The following ZMAT4 variants were observed in gnomAD, a reference collection of about 807,000 sequenced individuals.
ZMAT4 encodes the protein zinc finger matrin-type 4, also known as zinc finger matrin-type protein 4.
In ZMAT4, 17 loss-of-function variants were observed where a neutral mutation model predicts 28.7. That is an observed-to-expected ratio of 0.59 (90% CI 0.41 to 0.89). ZMAT4 has a LOEUF of 0.89. Among genes scored for constraint, ZMAT4 ranks in the 40% least tolerant of loss-of-function variants. The pLI is 0.00. For synonymous variants in ZMAT4, 117 were observed against 109.2 expected, an observed-to-expected ratio of 1.07 and a Z score of -0.44; for missense variants, 240 against 283.8, an observed-to-expected ratio of 0.85 and a Z score of 1.11.
chr8:40,818,023 A>C (rs1445052629), intron 2 of ZMAT4, among the ~76,000 whole-genome samples: 1 of 152,214 alleles, frequency 6.6e-6, no homozygotes, highest in Admixed American at 6.5e-5. Context: ...TCTGCAAATG[A>C]GAACTCAGGC....
intron 5 of ZMAT4, among the ~76,000 whole-genome samples, chr8:40,634,497 C>T (rs1363822039): frequency 6.6e-6 from 1 of 152,116 alleles, no homozygotes; most frequent in Non-Finnish European, 1.5e-5. Flanking sequence ...AACACCAATC[C>T]CACAGAAAGA....
At chr8:40,541,840 T>C (rs1803040498) in intron 6 of ZMAT4, among the ~76,000 whole-genome samples, 1 of 152,134 alleles carries the variant, frequency 6.6e-6, no homozygotes, top group Non-Finnish European at 1.5e-5. Flanking sequence ...GAAGGGAAAA[T>C]GTCGGACTCC....
chr8:40,825,516 C>A, intron 2 of ZMAT4, 59 bp downstream of exon 2: 1 of 1,438,122 alleles, frequency 7.0e-7, no homozygotes, highest in South Asian at 1.2e-5. Context: ...AGTCCTACAA[C>A]AATGACCCGG....
intron 2 of ZMAT4, among the ~76,000 whole-genome samples, chr8:40,795,229 G>A (rs556563323): frequency 1.3e-5 from 2 of 152,130 alleles, no homozygotes; most frequent in African/African-American, 4.8e-5. Context: ...AGCTGATTTG[G>A]GGGCAAACCT....
intron 5 of ZMAT4, among the ~76,000 whole-genome samples, chr8:40,601,458 G>GAAAGAAAGAAAAA (rs1401179649): frequency 3.2e-4 from 9 of 28,208 alleles, no homozygotes; most frequent in Admixed American, 2.9e-3. Context: ...GGAAGGAAGG[G>GAAAGAAAGAAAAA]AGGAAGAAAG....
At chr8:40,747,038 G>T (rs994250813) in intron 3 of ZMAT4, among the ~76,000 whole-genome samples, 2 of 152,182 alleles carry the variant, frequency 1.3e-5, no homozygotes, top group African/African-American at 4.8e-5. Context: ...TATGAGAGCT[G>T]CCACTTTCAA....
chr8:40,704,769 G>A (rs979781589), intron 3 of ZMAT4, among the ~76,000 whole-genome samples: 3 of 152,188 alleles, frequency 2.0e-5, no homozygotes, highest in Non-Finnish European at 4.4e-5. Flanking sequence ...TCCACCTAAT[G>A]TACTATCTCC....
At chr8:40,633,060 G>A (rs933729080) in intron 5 of ZMAT4, among the ~76,000 whole-genome samples, 6 of 152,092 alleles carry the variant, frequency 3.9e-5, no homozygotes, top group African/African-American at 1.4e-4. Flanking sequence ...AATCTTCCAG[G>A]GCTGGGAGGG....
At chr8:40,538,046 T>A (rs529008886) in intron 6 of ZMAT4, among the ~76,000 whole-genome samples, 381 of 152,308 alleles carry the variant, frequency 2.5e-3, no homozygotes, top group African/African-American at 8.8e-3. Flanking sequence ...TCTTTTAAAA[T>A]TTAACCTAAG....
chr8:40,802,746 CA>C (rs1814907304), intron 2 of ZMAT4, among the ~76,000 whole-genome samples: 1 of 151,926 alleles, frequency 6.6e-6, no homozygotes, highest in East Asian at 1.9e-4. Context: ...GACAGAGAGG[CA>C]AAAAACCAAA....
At chr8:40,646,582 ATTG>A (rs1240421440) in intron 5 of ZMAT4, among the ~76,000 whole-genome samples, 2 of 152,112 alleles carry the variant, frequency 1.3e-5, no homozygotes, top group African/African-American at 4.8e-5. Context: ...AATTGTATTT[ATTG>A]TTGTCAATTT....
intron 6 of ZMAT4, among the ~76,000 whole-genome samples, chr8:40,534,538 G>A (rs1336769304): frequency 1.3e-5 from 2 of 152,174 alleles, no homozygotes; most frequent in South Asian, 4.1e-4. Flanking sequence ...CCTTAAATAT[G>A]ATTCCATCTG....
At chr8:40,688,052 GCCAGTACCACGAC>G (rs1162520456) in intron 4 of ZMAT4, among the ~76,000 whole-genome samples, 2 of 152,134 alleles carry the variant, frequency 1.3e-5, no homozygotes. Context: ...CATCTCTTCA[GCCAGTACCACGAC>G]CGAGACAAAC....
intron 1 of ZMAT4, among the ~76,000 whole-genome samples, chr8:40,853,385 C>G (rs1817183689): frequency 6.6e-6 from 1 of 152,102 alleles, no homozygotes; most frequent in South Asian, 2.1e-4. Context: ...GAAACCCCAT[C>G]TCTACTAAAA....
intron 6 of ZMAT4, among the ~76,000 whole-genome samples, chr8:40,534,320 AC>A (rs759008093): frequency 3.2e-4 from 48 of 152,346 alleles, no homozygotes; most frequent in Non-Finnish European, 5.7e-4. Context: ...CCCATTTGAT[AC>A]AAAAGAACAC....
At chr8:40,852,256 A>G (rs541407473) in intron 1 of ZMAT4, among the ~76,000 whole-genome samples, 1 of 152,236 alleles carries the variant, frequency 6.6e-6, no homozygotes, top group Admixed American at 6.5e-5. Context: ...GTTCTACTTT[A>G]TATTTCTATG....
At chr8:40,894,581 T>C (rs1047999091) in intron 1 of ZMAT4, among the ~76,000 whole-genome samples, 2 of 152,282 alleles carry the variant, frequency 1.3e-5, no homozygotes, top group South Asian at 2.1e-4. Context: ...TTTTCCTAAA[T>C]GAAAGATGAA....
At chr8:40,606,832 A>T (rs563595063) in intron 5 of ZMAT4, among the ~76,000 whole-genome samples, 5 of 152,304 alleles carry the variant, frequency 3.3e-5, no homozygotes, top group South Asian at 4.1e-4. Context: ...TTCATAGGGA[A>T]CACCAATAAT....
At chr8:40,845,776 TAAAAA>T (rs71224858) in intron 1 of ZMAT4, among the ~76,000 whole-genome samples, 99,741 of 129,500 alleles carry the variant, frequency 0.77, 38,676 homozygotes, top group Admixed American at 0.88. Flanking sequence ...ACTTAGTAGT[TAAAAA>T]AAAAAAAAAA....
Sources: gnomAD v4.1 joint callset for allele counts (sites outside exome capture counted in the v4.1 genomes callset) on GRCh38, gnomAD v4.1.1 for gene constraint, MANE v1.5 for transcripts, NCBI Gene and HGNC (gene_info 2026-07-23, HGNC 2026-07-21) for gene names.